CCDC141: variants seen among roughly 807,000 people sequenced by gnomAD.
CCDC141 encodes coiled-coil domain containing 141.
Under a neutral mutation model 181.0 loss-of-function variants are expected in CCDC141, and 168 were observed. The ratio of observed to expected loss-of-function variants is 0.93; its 90% CI spans 0.82 to 1.05. CCDC141 has a LOEUF of 1.05. Ranked by LOEUF, CCDC141 falls within the 50% of genes least tolerant of loss-of-function variation. The pLI, the probability that CCDC141 is intolerant of heterozygous loss-of-function variation, is 0.00. For missense variants in CCDC141, 1,902 were observed against 1,788.5 expected (o/e 1.06, Z -1.14); for synonymous variants, 666 against 642.3 (o/e 1.04, Z -0.56).
chr2:178,926,143 G>A (rs991373316), intron 6 of CCDC141, among the ~76,000 whole-genome samples: 2 of 151,572 alleles, frequency 1.3e-5, no homozygotes, highest in African/African-American at 4.8e-5. Flanking sequence ...TATTGGTAGG[G>A]TGAAAAAAAT....
chr2:178,918,749 T>C lies in CCDC141; in HGVS notation c.1056A>G (p.Leu352=), dbSNP rs747594798. The C allele has an allele frequency of 2.4e-5, 37 of 1,550,476 alleles. No individual in the cohort carries two copies. Among genetic ancestry groups the C allele is most frequent in the Non-Finnish European group, 3.2e-5 (37 of 1,146,994 alleles). The part of the protein sequence containing the change: ...GQLMVERNTW[L]KKANEFFNSA... ...TGTTAAAAAATTCATTCGCCTTCTT[T>C]AACCAGGTATTCCTTTCCACCATGA... Residue 352 remains leucine (L), a synonymous_variant, in exon 7 of 24, where the codon TTA becomes TTG. Coordinates refer to ENST00000443758, the MANE Select transcript of CCDC141 (RefSeq NM_173648.4).
chr2:178,888,287 G>A (rs1170814796), intron 9 of CCDC141, among the ~76,000 whole-genome samples: 3 of 152,110 alleles, frequency 2.0e-5, no homozygotes, highest in Non-Finnish European at 4.4e-5. Context: ...TGTGCAAAGC[G>A]GGAACTGCCT....
intron 3 of CCDC141, 138 bp from the exon 4 acceptor site, chr2:178,975,303 T>C (rs1691072546): frequency 1.9e-6 from 1 of 521,974 alleles, no homozygotes; most frequent in Admixed American, 3.1e-5. Context: ...TATGTTTGTA[T>C]GTGTTTGTGT....
In CCDC141 at chr2:179,047,300, AG is replaced by A. The variant is rs1663144678; in HGVS notation, c.208del (p.Leu70PhefsTer60). ...TKKLLHDHEL[L>X]LAKLKALEDR... Reference sequence around the variant, plus strand: ...GTATCTTACCTTGAGCTTGGCCAAAAGAAGTTCATGATCATGAAGAAGTTTT... The same window carrying A: ...GTATCTTACCTTGAGCTTGGCCAAAAAAGTTCATGATCATGAAGAAGTTTT... On this transcript the variant is annotated frameshift_variant, in exon 2 of 24. Transcript: ENST00000443758. LOFTEE classifies it high-confidence loss of function. 6.5e-7 allele frequency: 1 copy of A among 1,534,970 alleles called. No individual in the cohort carries two copies. The highest frequency in any genetic ancestry group is 1.4e-5 in the African/African-American group (1 of 72,240).
intron 1 of CCDC141, 58 bp from the exon 2 acceptor site, chr2:179,047,464 C>A: frequency 7.4e-7 from 1 of 1,347,930 alleles, no homozygotes; most frequent in Non-Finnish European, 9.7e-7. Context: ...TTCCTCTTCA[C>A]CCTTCTCATT....
chr2:178,990,614 G>T (rs1003894790), intron 2 of CCDC141, among the ~76,000 whole-genome samples: 1 of 149,132 alleles, frequency 6.7e-6, no homozygotes, highest in African/African-American at 2.5e-5. Flanking sequence ...GGGAGGGAAG[G>T]GAAGGGAAGG....
chr2:179,003,600 A>G (rs2042044933), intron 2 of CCDC141, among the ~76,000 whole-genome samples: 1 of 152,142 alleles, frequency 6.6e-6, no homozygotes. Flanking sequence ...TCTAACTACT[A>G]TTATTATTGT....
intron 2 of CCDC141, among the ~76,000 whole-genome samples, chr2:178,996,583 T>C (rs1400972630): frequency 6.6e-6 from 1 of 152,164 alleles, no homozygotes; most frequent in Admixed American, 6.5e-5. Context: ...GTTAAACACA[T>C]AAAATAAGCT....
intron 2 of CCDC141, among the ~76,000 whole-genome samples, chr2:179,024,973 A>G (rs2042792592): frequency 6.6e-6 from 1 of 152,112 alleles, no homozygotes; most frequent in African/African-American, 2.4e-5. Context: ...GCCTGAATAT[A>G]TGAGTCCTGT....
chr2:178,996,017 C>G (rs1575322554), intron 2 of CCDC141, among the ~76,000 whole-genome samples: 1 of 151,792 alleles, frequency 6.6e-6, no homozygotes, highest in East Asian at 1.9e-4. Context: ...GTTTTAGATT[C>G]TAACTTTTTT....
At position 178,961,390 on chromosome 2, in the gene CCDC141, G is replaced by C; in HGVS notation, c.620C>G (p.Pro207Arg). ...KFKCEGPNVNPELTQGAHSSC... is the reference protein window; with the variant it reads ...KFKCEGPNVNRELTQGAHSSC... Reference sequence around the variant, plus strand: ...GCTATGAGCTCCCTGAGTCAACTCAGGATTCACATTAGGTCCTTCACACTT... The same window carrying C: ...GCTATGAGCTCCCTGAGTCAACTCACGATTCACATTAGGTCCTTCACACTT... The change falls in exon 5 of 24, where the codon CCT becomes CGT. Residue 207 changes from proline (P) to arginine (R), a missense_variant. Coordinates refer to ENST00000443758, the MANE Select transcript of CCDC141 (RefSeq NM_173648.4). 6.4e-7 allele frequency: 1 copy of C among 1,550,514 alleles called. No homozygotes were observed. The highest frequency in any genetic ancestry group is 1.4e-5 in the African/African-American group (1 of 73,136).
the CCDC141 span, among the ~76,000 whole-genome samples, chr2:178,816,154 T>C: frequency 6.6e-6 from 1 of 152,178 alleles, no homozygotes; most frequent in Non-Finnish European, 1.5e-5. Flanking sequence ...TCATACACAG[T>C]AGTTTCAATG....
intron 2 of CCDC141, among the ~76,000 whole-genome samples, chr2:179,018,107 T>C (rs956023178): frequency 1.3e-5 from 2 of 152,150 alleles, no homozygotes; most frequent in South Asian, 2.1e-4. Context: ...ATGCACTCTG[T>C]CTTTTTAAGT....
At chr2:178,848,982 C>T (rs56149358) in intron 21 of CCDC141, among the ~76,000 whole-genome samples, 5,334 of 151,532 alleles carry the variant, frequency 0.035, 313 homozygotes, top group African/African-American at 0.12. Flanking sequence ...AAGCTATGCA[C>T]GAAGATGTTC....
At chr2:178,923,541 G>T (rs1688797709) in intron 6 of CCDC141, among the ~76,000 whole-genome samples, 2 of 152,206 alleles carry the variant, frequency 1.3e-5, no homozygotes, top group South Asian at 4.1e-4. Flanking sequence ...CTAAGCCGTT[G>T]CTGCCTGCCT....
intron 6 of CCDC141, among the ~76,000 whole-genome samples, chr2:178,940,782 A>T (rs1689478263): frequency 6.6e-6 from 1 of 152,148 alleles, no homozygotes; most frequent in Non-Finnish European, 1.5e-5. Context: ...CCAAGGTAAG[A>T]TACTGTCTAC....
Position 178,831,562 on chromosome 2 carries a change from T to C in CCDC141, c.*2611A>G, listed in dbSNP as rs938177189. ...ATGGTTATAAATTATGTATATACCTTAAAATAGAAACAACACTTAAATTTC... is the reference window on the plus strand; with the variant it reads ...ATGGTTATAAATTATGTATATACCTCAAAATAGAAACAACACTTAAATTTC... On this transcript the variant is annotated 3_prime_UTR_variant, in exon 24 of 24. Coordinates refer to ENST00000443758, the MANE Select transcript of CCDC141 (RefSeq NM_173648.4). 5 of 152,206 alleles carry C rather than the reference T, an allele frequency of 3.3e-5. No homozygotes were observed. The highest frequency in any genetic ancestry group is 1.2e-4 in the African/African-American group (5 of 41,464). The allele number at this position is 152,206 out of a possible 1,614,324, so 9.4% of individuals were successfully genotyped here. A position where few individuals can be genotyped will look rare whatever the true frequency, so the allele number is the denominator to read the frequency against.
rs566563579 is a variant in CCDC141, at chr2:178,973,452, C to T, written c.526+1605G>A. ...CTTCAGACTAAGGACACCCAGTGGA[C>T]TCTTGAAGGCTGGTACCCCTGAAAA... On this transcript the variant is annotated intron_variant, in intron 4 of 23. Coordinates refer to ENST00000443758, the MANE Select transcript of CCDC141 (RefSeq NM_173648.4). Among the ~76,000 whole-genome samples the T allele has an allele frequency of 2.0e-5, 3 of 152,314 alleles. No homozygotes were observed. The South Asian group carries it at 6.2e-4, about 32-fold the overall frequency.
rs756470820 is a variant in CCDC141, at chr2:178,865,908, A to G, written c.2583T>C (p.Ser861=). 2 of 1,579,822 alleles carry G rather than the reference A, an allele frequency of 1.3e-6. No individual in the cohort carries two copies. Among genetic ancestry groups the G allele is most frequent in the Non-Finnish European group, 8.6e-7 (1 of 1,163,968 alleles). ...GCTGTAGGTTCTTTGCAGAAACATT[A>G]GAGCAGTGCTAAAAGAGACAAATGG... ...IISSVQRPHC[S]NVSAKNLQQQ... The change falls in exon 17 of 24, where the codon TCT becomes TCC. Residue 861 remains serine, a synonymous_variant. Coordinates refer to ENST00000443758, the MANE Select transcript of CCDC141 (RefSeq NM_173648.4).
Sources: allele counts gnomAD v4.1 joint callset (sites outside exome capture counted in the v4.1 genomes callset), GRCh38; gene constraint gnomAD v4.1.1; transcripts MANE v1.5; gene names NCBI Gene and HGNC (gene_info 2026-07-23, HGNC 2026-07-21).